MAGI1: variants seen among roughly 807,000 people sequenced by gnomAD.
MAGI1 encodes the protein membrane associated guanylate kinase, WW and PDZ domain containing 1.
In MAGI1, 58 loss-of-function variants were observed where a neutral mutation model predicts 139.9. That is an observed-to-expected ratio of 0.41 (90% CI 0.34 to 0.52). The LOEUF is 0.52. Ranked by LOEUF, MAGI1 falls within the 20% of genes least tolerant of loss-of-function variation. MAGI1 has a pLI of 0.12. For missense variants in MAGI1, 1,874 were observed against 1,901.6 expected, an observed-to-expected ratio of 0.99 and a Z score of 0.27; for synonymous variants, 812 against 737.9, an observed-to-expected ratio of 1.10 and a Z score of -1.63.
chr3:65,970,316 T>C (rs1236269039), intron 1 of MAGI1, among the ~76,000 whole-genome samples: 1 of 152,124 alleles, frequency 6.6e-6, no homozygotes, highest in Non-Finnish European at 1.5e-5. Context: ...GAATACAATG[T>C]TGGTTGCCAG....
At chr3:65,687,526 T>C in intron 1 of MAGI1, 1 of 372,914 alleles carries the variant, frequency 2.7e-6, no homozygotes, top group Non-Finnish European at 5.5e-6. Flanking sequence ...CCTCTTACTT[T>C]TCCCTGGTGA....
chr3:65,637,840 G>A (rs185225624), intron 1 of MAGI1, among the ~76,000 whole-genome samples: 1 of 152,220 alleles, frequency 6.6e-6, no homozygotes, highest in Admixed American at 6.5e-5. Context: ...TGCATTCATA[G>A]CAGTTATGAT....
intron 1 of MAGI1, among the ~76,000 whole-genome samples, chr3:65,630,240 C>A (rs968865789): frequency 6.6e-6 from 1 of 152,170 alleles, no homozygotes; most frequent in African/African-American, 2.4e-5. Flanking sequence ...CCCTGAGCAG[C>A]AGGGTATATG....
intron 10 of MAGI1, among the ~76,000 whole-genome samples, chr3:65,431,871 T>TA (rs1410395274): frequency 6.6e-6 from 1 of 151,970 alleles, no homozygotes; most frequent in Non-Finnish European, 1.5e-5. Context: ...TGGATGCCTG[T>TA]AATCCCAGCT....
At chr3:65,515,255 C>T in intron 2 of MAGI1, among the ~76,000 whole-genome samples, 1 of 139,604 alleles carries the variant, frequency 7.2e-6, no homozygotes, top group Admixed American at 7.2e-5. Context: ...CGCATGTATA[C>T]ATATGTAACT....
chr3:65,755,718 T>A (rs2036515357), intron 1 of MAGI1, among the ~76,000 whole-genome samples: 1 of 152,204 alleles, frequency 6.6e-6, no homozygotes, highest in African/African-American at 2.4e-5. Context: ...GAAACTAACT[T>A]ACCCACAATT....
chr3:65,448,247 G>T lies in MAGI1; in HGVS notation c.1043-190C>A. 3 of 609,910 alleles carry T rather than the reference G, an allele frequency of 4.9e-6. No individual in the cohort carries two copies. The Admixed American group carries it at 8.4e-5, about 17-fold the overall frequency. 37.8% of individuals were successfully genotyped at this position (609,910 alleles called of 1,614,324 possible). On this transcript the variant is annotated intron_variant, in intron 6 of 22. Coordinates refer to ENST00000402939, the MANE Select transcript of MAGI1 (RefSeq NM_001033057.2). Reference sequence around the variant, plus strand: ...GCGACCTCAGTGTAAATCACAAAACGGGAAGAGCTGATATTGGCAAAATAA... The same window carrying T: ...GCGACCTCAGTGTAAATCACAAAACTGGAAGAGCTGATATTGGCAAAATAA...
At chr3:65,812,608 A>G (rs769827559) in intron 1 of MAGI1, among the ~76,000 whole-genome samples, 2 of 151,822 alleles carry the variant, frequency 1.3e-5, no homozygotes, top group African/African-American at 4.8e-5. Context: ...TAGGATCATT[A>G]TAAGAGTTAG....
intron 1 of MAGI1, among the ~76,000 whole-genome samples, chr3:65,694,442 A>T (rs1297175460): frequency 2.6e-5 from 2 of 77,738 alleles, no homozygotes; most frequent in Admixed American, 2.3e-4. Flanking sequence ...AGTAAGTGCT[A>T]AAAAAAATAT....
At chr3:65,397,529 A>ATT (rs567332426) in intron 13 of MAGI1, among the ~76,000 whole-genome samples, 135 of 141,364 alleles carry the variant, frequency 9.5e-4, no homozygotes, top group African/African-American at 3.2e-3. Flanking sequence ...TTTTTGTAGG[A>ATT]TTTTTTTTTT....
rs1491368237 is a variant in MAGI1 at position 65,936,908 on chromosome 3, GTT to G, written c.313+101086_313+101087del. 5.1e-3 allele frequency among the ~76,000 whole-genome samples: 719 copies of G among 140,276 alleles called. 8 individuals carry two copies. The highest frequency in any genetic ancestry group is 0.02 in the East Asian group (91 of 4,460). 92.0% of individuals were successfully genotyped at this position (140,276 alleles called of 152,430 possible). ...CACTGAGCTCAGGTTCAAAGTTGTT[GTT>G]GTTGTTGTTGGTGGTGGTGGTGGTG... is the stretch of plus-strand genomic sequence containing the variant. On this transcript the variant is annotated intron_variant, in intron 1 of 22. Transcript: ENST00000402939.
chr3:65,987,648 G>GC (rs1408390373), intron 1 of MAGI1, among the ~76,000 whole-genome samples: 1 of 151,748 alleles, frequency 6.6e-6, no homozygotes, highest in Admixed American at 6.6e-5. Context: ...AGGCTGGAGT[G>GC]CAATGGCATG....
intron 12 of MAGI1, among the ~76,000 whole-genome samples, chr3:65,428,320 G>A (rs1211231513): frequency 2.6e-5 from 4 of 152,148 alleles, no homozygotes; most frequent in Non-Finnish European, 4.4e-5. Flanking sequence ...TATCAGTCAC[G>A]ACTAATCACA....
At position 65,704,697 on chromosome 3, in the gene MAGI1, G is replaced by A. The variant is rs543220340; in HGVS notation, c.314-82609C>T. Among the ~76,000 whole-genome samples, 3 of 151,868 alleles carry A rather than the reference G, an allele frequency of 2.0e-5. No individual in the cohort carries two copies. The South Asian group carries it at 6.2e-4, about 32-fold the overall frequency. ...TCAACAATCATTTTAATCAGTTTCTGAAAATTTGTGTGCATTCAAGTGCAT... is the reference window on the plus strand; with the variant it reads ...TCAACAATCATTTTAATCAGTTTCTAAAAATTTGTGTGCATTCAAGTGCAT... On this transcript the variant is annotated intron_variant, in intron 1 of 22. Transcript: ENST00000402939.
chr3:65,767,986 A>G (rs1429002231), intron 1 of MAGI1, among the ~76,000 whole-genome samples: 1 of 152,240 alleles, frequency 6.6e-6, no homozygotes, highest in African/African-American at 2.4e-5. Flanking sequence ...TTTGGATGTC[A>G]TGCTCTCCAA....
chr3:65,547,527 C>T (rs1260470800), intron 2 of MAGI1, among the ~76,000 whole-genome samples: 1 of 152,098 alleles, frequency 6.6e-6, no homozygotes, highest in Non-Finnish European at 1.5e-5. Flanking sequence ...TTTTTTGTCA[C>T]CTCAAGGTAC....
At chr3:65,596,660 C>G (rs1220724153) in intron 2 of MAGI1, among the ~76,000 whole-genome samples, 1 of 152,174 alleles carries the variant, frequency 6.6e-6, no homozygotes, top group Non-Finnish European at 1.5e-5. Context: ...CCCCTGGTAC[C>G]CAGGTCAGTT....
At chr3:65,641,533 T>C (rs936162493) in intron 1 of MAGI1, among the ~76,000 whole-genome samples, 5 of 152,212 alleles carry the variant, frequency 3.3e-5, no homozygotes, top group South Asian at 2.1e-4. Context: ...TGTCAAAATA[T>C]ACACACAGAA....
intron 2 of MAGI1, among the ~76,000 whole-genome samples, chr3:65,557,906 C>A (rs1403539669): frequency 6.6e-6 from 1 of 152,114 alleles, no homozygotes; most frequent in Non-Finnish European, 1.5e-5. Flanking sequence ...AGAAGATAAC[C>A]ATGTAGAGAG....
Sources: gnomAD v4.1 joint callset for allele counts (sites outside exome capture counted in the v4.1 genomes callset) on GRCh38, gnomAD v4.1.1 for gene constraint, MANE v1.5 for transcripts, NCBI Gene and HGNC (gene_info 2026-07-23, HGNC 2026-07-21) for gene names.